Variants in RBM39 observed in about 807,000 individuals in gnomAD.
RBM39 encodes the protein RNA-binding protein 39.
In RBM39, 12 loss-of-function variants were observed where a neutral mutation model predicts 79.6. The observed-to-expected ratio is 0.15, with a 90% CI of 0.10 to 0.24. The LOEUF (loss-of-function observed/expected upper bound fraction) is 0.24, where lower values mean the gene tolerates loss of function less well. Ranked by LOEUF, RBM39 falls within the 10% of genes least tolerant of loss-of-function variation. The pLI is 1.00. For missense variants in RBM39, 243 were observed against 653.4 expected (o/e 0.37, Z 6.85); for synonymous variants, 185 against 208.4 (o/e 0.89, Z 0.97).
At chr20:35,704,880 C>T in intron 15 of RBM39, 134 bp from the exon 16 acceptor site, 1 of 688,872 alleles carries the variant, frequency 1.5e-6, no homozygotes, top group Non-Finnish European at 2.5e-6. Flanking sequence ...GTTCCACTGG[C>T]TAATAGGTAT....
At chr20:35,740,091 TA>T (rs147915164) in intron 2 of RBM39, 1 of 156,526 alleles carries the variant, frequency 6.4e-6, no homozygotes, top group Non-Finnish European at 1.4e-5. Context: ...AGGGCCTAAT[TA>T]AAAATAAAAA....
chr20:35,722,707 A>G (rs904880833), intron 8 of RBM39, among the ~76,000 whole-genome samples: 1 of 151,780 alleles, frequency 6.6e-6, no homozygotes, highest in Non-Finnish European at 1.5e-5. Context: ...GCCGAGGCGG[A>G]CGGATCACGA....
intron 3 of RBM39, chr20:35,732,905 A>AT (rs1258066338): frequency 4.6e-5 from 7 of 152,234 alleles, no homozygotes; most frequent in Admixed American, 6.5e-5. Flanking sequence ...CATTAAGTCA[A>AT]TTTTGCCCCC....
intron 3 of RBM39, among the ~76,000 whole-genome samples, chr20:35,737,090 C>A (rs1646931274): frequency 6.6e-6 from 1 of 150,390 alleles, no homozygotes; most frequent in African/African-American, 2.4e-5. Flanking sequence ...AACCCTGTCT[C>A]TACTAAAAAC....
intron 7 of RBM39, 22 bp from the exon 8 acceptor site, chr20:35,724,744 T>C (rs754658345): frequency 1.3e-5 from 21 of 1,610,986 alleles, no homozygotes; most frequent in East Asian, 2.2e-5. Context: ...ACACAGTTGT[T>C]TGTGCAAACA....
intron 6 of RBM39, among the ~76,000 whole-genome samples, chr20:35,727,401 C>CAAA (rs145051301): frequency 0.012 from 1,306 of 108,804 alleles, 13 homozygotes; most frequent in African/African-American, 0.039. Context: ...CCGGGGGTCT[C>CAAA]AAAAAAAAAA....
chr20:35,729,176 C>T (rs2146668100), intron 6 of RBM39, 136 bp downstream of exon 6: 1 of 592,982 alleles, frequency 1.7e-6, no homozygotes, highest in South Asian at 3.8e-5. Flanking sequence ...TTCACTTGAC[C>T]TTAAAGTACT....
chr20:35,722,275 T>C (rs1201098256), intron 8 of RBM39, among the ~76,000 whole-genome samples: 4 of 151,336 alleles, frequency 2.6e-5, no homozygotes, highest in African/African-American at 4.9e-5. Context: ...GGTGCGGTGG[T>C]GGGCACCTGT....
intron 11 of RBM39, chr20:35,713,790 A>G (rs1229035964): frequency 6.3e-6 from 1 of 159,018 alleles, no homozygotes; most frequent in Non-Finnish European, 1.4e-5. Context: ...GCTTCAGCCA[A>G]AGAGGCAGAG....
intron 2 of RBM39, chr20:35,739,282 A>G (rs1242734191): frequency 2.1e-6 from 1 of 480,864 alleles, no homozygotes; most frequent in Non-Finnish European, 3.9e-6. Flanking sequence ...TAGTTTAGAT[A>G]TTAAAAGTTA....
At chr20:35,721,524 G>C (rs1018421022) in intron 9 of RBM39, among the ~76,000 whole-genome samples, 5 of 152,190 alleles carry the variant, frequency 3.3e-5, no homozygotes, top group Non-Finnish European at 7.3e-5. Flanking sequence ...TACCCATTAT[G>C]CATTTCACAT....
intron 3 of RBM39, chr20:35,736,706 A>G (rs967914818): frequency 9.8e-6 from 4 of 409,394 alleles, no homozygotes; most frequent in Non-Finnish European, 2.0e-5. Context: ...GCTGGAGTAC[A>G]ATGGCATAAT....
intron 12 of RBM39, among the ~76,000 whole-genome samples, chr20:35,712,039 AGAGT>A (rs1019827538): frequency 2.0e-5 from 3 of 151,982 alleles, no homozygotes; most frequent in Non-Finnish European, 2.9e-5. Flanking sequence ...GTTGAGCCAC[AGAGT>A]GAGACTCCAT....
intron 10 of RBM39, 106 bp from the exon 11 acceptor site, chr20:35,714,495 T>TG: frequency 7.2e-7 from 1 of 1,383,428 alleles, no homozygotes; most frequent in Non-Finnish European, 9.4e-7. Context: ...TAATTACTTC[T>TG]GAATACTAAG....
rs1303701535 is a variant in RBM39, at chr20:35,702,901, T to TC, written c.*1579dup. 4 of 152,164 alleles carry TC rather than the reference T, an allele frequency of 2.6e-5. No individual in the cohort carries two copies. Among genetic ancestry groups the TC allele is most frequent in the Admixed American group, 2.0e-4 (3 of 15,278 alleles). 9.4% of individuals were successfully genotyped at this position (152,164 alleles called of 1,614,324 possible). A position where few individuals can be genotyped will look rare whatever the true frequency, so the allele number is the denominator to read the frequency against. ...TCCAGCCTGGGCCAAAGAGCAAGAC[T>TC]CCATCTCAAAAAGAAAAAGAAATTG... On this transcript the variant is annotated 3_prime_UTR_variant, in exon 17 of 17. Coordinates refer to ENST00000253363, the MANE Select transcript of RBM39 (RefSeq NM_184234.3).
intron 6 of RBM39, among the ~76,000 whole-genome samples, chr20:35,727,867 T>C (rs531404397): frequency 3.5e-4 from 54 of 152,280 alleles, no homozygotes; most frequent in African/African-American, 1.3e-3. Flanking sequence ...CAGGCTGGTC[T>C]TGAACTTCTG....
intron 1 of RBM39, among the ~76,000 whole-genome samples, 164 bp from the exon 2 acceptor site, chr20:35,741,051 T>TTTTTTTTTA (rs367902878): frequency 7.5e-6 from 1 of 133,680 alleles, no homozygotes; most frequent in Non-Finnish European, 1.6e-5. Context: ...TTTTTTTTTT[T>TTTTTTTTTA]GAGACGGAGT....
chr20:35,710,316 G>A (rs536822524), intron 12 of RBM39: 1 of 152,256 alleles, frequency 6.6e-6, no homozygotes, highest in South Asian at 2.1e-4. Context: ...GGCATCTCAG[G>A]GAGCTGAAGA....
Position 35,714,288 on chromosome 20 carries a change from A to G in RBM39, c.993T>C (p.Asp331=). Reference sequence around the variant, plus strand: ...CCAAAAATGAACTAGCACTCGAAGCATCAGTACGTTCAGTAACATGACCAA... The same window carrying G: ...CCAAAAATGAACTAGCACTCGAAGCGTCAGTACGTTCAGTAACATGACCAA... ...MKVGHVTERT[D]ASSASSFLDS... is the part of the protein sequence containing the mutation. The change falls in exon 11 of 17, where the codon GAT becomes GAC. Residue 331 remains aspartate, a synonymous_variant. Transcript: ENST00000253363. 2 of 1,614,156 alleles carry G rather than the reference A, an allele frequency of 1.2e-6. No individual in the cohort carries two copies. The highest frequency in any genetic ancestry group is 1.7e-6 in the Non-Finnish European group (2 of 1,179,992).
Sources: allele counts gnomAD v4.1 joint callset (sites outside exome capture counted in the v4.1 genomes callset), GRCh38; gene constraint gnomAD v4.1.1; transcripts MANE v1.5; gene names NCBI Gene and HGNC (gene_info 2026-07-23, HGNC 2026-07-21).